GSE1: variants seen among roughly 807,000 people sequenced by gnomAD.
The protein encoded by GSE1 is genetic suppressor element 1.
GSE1 carries 32 observed loss-of-function variants against 112.6 expected under a neutral mutation model. That is an observed-to-expected ratio of 0.28 (90% CI 0.21 to 0.38). The LOEUF (loss-of-function observed/expected upper bound fraction) is 0.38, where lower values mean the gene tolerates loss of function less well. GSE1 is among the 10% of genes least tolerant of loss of function. The pLI, the probability that GSE1 is intolerant of heterozygous loss-of-function variation, is 1.00. For synonymous variants in GSE1, 1,115 were observed against 735.6 expected, an observed-to-expected ratio of 1.52 and a Z score of -8.35; for missense variants, 2,348 against 1,699.2, an observed-to-expected ratio of 1.38 and a Z score of -6.71.
At chr16:85,595,264 G>C (rs1009450353) in intron 1 of GSE1, 1 of 152,296 alleles carries the variant, frequency 6.6e-6, no homozygotes, top group Non-Finnish European at 1.5e-5. Flanking sequence ...GCTGCCCCAA[G>C]GGTCTTTATT....
At chr16:85,660,464 C>G (rs994381162) in intron 8 of GSE1, among the ~76,000 whole-genome samples, 1 of 152,064 alleles carries the variant, frequency 6.6e-6, no homozygotes, top group Non-Finnish European at 1.5e-5. Flanking sequence ...TGGTGAAACC[C>G]TATCTCTACT....
intron 12 of GSE1, 96 bp downstream of exon 12, chr16:85,665,224 T>C: frequency 1.5e-6 from 1 of 682,072 alleles, no homozygotes; most frequent in Non-Finnish European, 2.6e-6. Context: ...TCATTGTGAA[T>C]GTGGCCTCCT....
chr16:85,563,162 A>G, intron 1 of GSE1, among the ~76,000 whole-genome samples: 1 of 148,654 alleles, frequency 6.7e-6, no homozygotes, highest in Middle Eastern at 3.7e-3. Flanking sequence ...TCCACATGGT[A>G]TCCTCCTCCT....
chr16:85,553,163 A>G (rs555663531), upstream of GSE1, among the ~76,000 whole-genome samples: 328 of 150,424 alleles, frequency 2.2e-3, 4 homozygotes, highest in African/African-American at 7.9e-3. Flanking sequence ...AGGGGCACAG[A>G]TCATGCAGCT....
At chr16:85,292,398 G>C (rs1597310916) in intron 1 of GSE1, among the ~76,000 whole-genome samples, 1 of 150,426 alleles carries the variant, frequency 6.6e-6, no homozygotes, top group Non-Finnish European at 1.5e-5. Flanking sequence ...GCGCGATCTT[G>C]GCTCACTGCA....
At position 85,223,633 on chromosome 16, in the gene GSE1, C is replaced by A. The variant is rs1021006704; in HGVS notation, c.2283+51826C>A. ...TTAAATGTATTTATTTTTAGACAGT[C>A]TCGCTCTGTCGCCCAGGCTGGAGTG... On this transcript the variant is annotated intron_variant, in intron 1 of 2. Transcript: ENST00000637419. Among the ~76,000 whole-genome samples, 3 of 152,144 alleles carry A rather than the reference C, an allele frequency of 2.0e-5. No individual in the cohort carries two copies. The East Asian group carries it at 5.8e-4, about 30-fold the overall frequency.
chr16:85,318,891 T>C, intron 1 of GSE1, among the ~76,000 whole-genome samples: 1 of 152,180 alleles, frequency 6.6e-6, no homozygotes, highest in East Asian at 1.9e-4. Flanking sequence ...GGTGAGATGT[T>C]GGTAAATGAC....
intron 1 of GSE1, among the ~76,000 whole-genome samples, chr16:85,287,446 C>T (rs942929178): frequency 3.9e-5 from 6 of 152,094 alleles, no homozygotes; most frequent in Non-Finnish European, 7.3e-5. Flanking sequence ...CCACCCACAC[C>T]CCCGCCTCTG....
chr16:85,174,059 C>G lies in GSE1; in HGVS notation c.2283+2252C>G, dbSNP rs971898258. Reference sequence around the variant, plus strand: ...CTTCTGCTCCCTACGCCCTCTTCCACCAGCTGCCTGGAGGAGGTGGAGCTT... The same window carrying G: ...CTTCTGCTCCCTACGCCCTCTTCCAGCAGCTGCCTGGAGGAGGTGGAGCTT... On this transcript the variant is annotated intron_variant, in intron 1 of 2. Transcript: ENST00000637419. Among the ~76,000 whole-genome samples the G allele has an allele frequency of 2.6e-5, 4 of 152,166 alleles. No homozygotes were observed. In the South Asian group the frequency reaches 8.3e-4, roughly 32 times the overall value.
At chr16:85,644,268 G>A (rs1477000186) in intron 2 of GSE1, among the ~76,000 whole-genome samples, 1 of 151,972 alleles carries the variant, frequency 6.6e-6, no homozygotes, top group Non-Finnish European at 1.5e-5. Flanking sequence ...GAACCCAGGA[G>A]GTTGAGGCTG....
chr16:85,633,866 G>A, intron 1 of GSE1, 48 bp from the exon 2 acceptor site: 2 of 1,477,026 alleles, frequency 1.4e-6, no homozygotes, highest in Non-Finnish European at 1.9e-6. Flanking sequence ...CTGGTGCTGG[G>A]CGCTCCTGCT....
At chr16:85,290,288 C>T (rs1380884739) in intron 1 of GSE1, among the ~76,000 whole-genome samples, 1 of 152,216 alleles carries the variant, frequency 6.6e-6, no homozygotes, top group Non-Finnish European at 1.5e-5. Context: ...CTGCCATCTT[C>T]TCATCACAAG....
At chr16:85,276,768 G>T (rs749460635) in intron 1 of GSE1, among the ~76,000 whole-genome samples, 1 of 152,164 alleles carries the variant, frequency 6.6e-6, no homozygotes. Flanking sequence ...CCAGCAGCAG[G>T]ATGTCACCCA....
At chr16:85,621,301 T>C (rs2048726967) in intron 1 of GSE1, among the ~76,000 whole-genome samples, 1 of 151,932 alleles carries the variant, frequency 6.6e-6, no homozygotes, top group South Asian at 2.1e-4. Context: ...GGTCTTGGCC[T>C]TGGGTCTCTG....
chr16:85,432,868 T>C (rs562792216), intron 2 of GSE1, among the ~76,000 whole-genome samples: 1 of 152,128 alleles, frequency 6.6e-6, no homozygotes, highest in East Asian at 1.9e-4. Context: ...GATTTTTGCC[T>C]ACCCCGGCAC....
At chr16:85,242,961 A>G (rs1905277525) in intron 1 of GSE1, among the ~76,000 whole-genome samples, 1 of 152,052 alleles carries the variant, frequency 6.6e-6, no homozygotes, top group Non-Finnish European at 1.5e-5. Context: ...ACAGGTGCAC[A>G]CCACCAAGTC....
At chr16:85,339,608 A>G (rs1217807237) in intron 1 of GSE1, among the ~76,000 whole-genome samples, 1 of 84,758 alleles carries the variant, frequency 1.2e-5, no homozygotes. Flanking sequence ...CTTTCCGTGG[A>G]TGTGCGGAGG....
At chr16:85,208,481 C>T (rs914686717) in intron 1 of GSE1, among the ~76,000 whole-genome samples, 1 of 152,214 alleles carries the variant, frequency 6.6e-6, no homozygotes, top group Admixed American at 6.5e-5. Flanking sequence ...TGGCCTCCTG[C>T]TGCCTCAGCT....
intron 2 of GSE1, among the ~76,000 whole-genome samples, chr16:85,447,977 AG>A (rs1428492105): frequency 1.3e-5 from 2 of 152,170 alleles, no homozygotes; most frequent in Admixed American, 1.3e-4. Flanking sequence ...GGCTTAGTGT[AG>A]GGGACAGGAT....
Sources: allele counts gnomAD v4.1 joint callset (sites outside exome capture counted in the v4.1 genomes callset), GRCh38; gene constraint gnomAD v4.1.1; transcripts MANE v1.5; gene names NCBI Gene and HGNC (gene_info 2026-07-23, HGNC 2026-07-21).